Variants in SUGCT observed in about 807,000 individuals in gnomAD.
SUGCT encodes succinyl-CoA:glutarate CoA-transferase.
Under a neutral mutation model 55.0 loss-of-function variants are expected in SUGCT, and 41 were observed. That is an observed-to-expected ratio of 0.74 (90% CI 0.58 to 0.97). The LOEUF (loss-of-function observed/expected upper bound fraction) is 0.97. SUGCT is among the 50% of genes least tolerant of loss of function. SUGCT has a pLI of 0.00. For synonymous variants in SUGCT, 187 were observed against 200.4 expected (o/e 0.93, Z 0.56); for missense variants, 568 against 547.8 (o/e 1.04, Z -0.37).
chr7:40,339,737 G>T (rs1796942398), intron 9 of SUGCT, among the ~76,000 whole-genome samples: 1 of 152,162 alleles, frequency 6.6e-6, no homozygotes, highest in Non-Finnish European at 1.5e-5. Context: ...ACGCTGGGTG[G>T]GCTGCACCCA....
intron 8 of SUGCT, among the ~76,000 whole-genome samples, chr7:40,279,227 C>T (rs866142296): frequency 6.6e-6 from 1 of 152,004 alleles, no homozygotes; most frequent in African/African-American, 2.4e-5. Flanking sequence ...AAGGAAGTTC[C>T]CTTTCCTAGA....
intron 8 of SUGCT, among the ~76,000 whole-genome samples, chr7:40,286,935 G>C (rs1464038766): frequency 6.6e-5 from 10 of 152,126 alleles, no homozygotes; most frequent in Non-Finnish European, 7.4e-5. Context: ...GGTAGTAGAA[G>C]CAACACAAGA....
chr7:40,414,732 C>T (rs1288715545), intron 9 of SUGCT, among the ~76,000 whole-genome samples: 1 of 151,768 alleles, frequency 6.6e-6, no homozygotes, highest in African/African-American at 2.4e-5. Context: ...CATGTTGAAA[C>T]CTCATCTCTA....
chr7:40,354,077 T>G (rs1381690857), intron 9 of SUGCT, among the ~76,000 whole-genome samples: 1 of 152,200 alleles, frequency 6.6e-6, no homozygotes, highest in Non-Finnish European at 1.5e-5. Context: ...AAGTAATAAA[T>G]GAACACATTT....
In SUGCT at chr7:40,193,505, G is replaced by A. The variant is rs185501954; in HGVS notation, c.364-1435G>A. On this transcript the variant is annotated intron_variant, in intron 5 of 13. Transcript: ENST00000335693. Reference sequence around the variant, plus strand: ...TCGCCATATTGGCCAGGCTGGTCTCGAACTCCTGACCTTAAGTGATCTGCC... The same window carrying A: ...TCGCCATATTGGCCAGGCTGGTCTCAAACTCCTGACCTTAAGTGATCTGCC... Among the ~76,000 whole-genome samples the A allele has an allele frequency of 5.9e-3, 894 of 151,890 alleles. 6 individuals are homozygous for A. Among genetic ancestry groups the A allele is most frequent in the Non-Finnish European group, 0.01 (687 of 67,954 alleles).
intron 13 of SUGCT, among the ~76,000 whole-genome samples, chr7:40,755,724 G>A (rs1788221902): frequency 6.6e-6 from 1 of 152,194 alleles, no homozygotes; most frequent in Non-Finnish European, 1.5e-5. Flanking sequence ...GATACTTCCT[G>A]TGAATGTGCA....
intron 13 of SUGCT, among the ~76,000 whole-genome samples, chr7:40,772,047 T>C (rs1330531637): frequency 1.3e-5 from 2 of 152,168 alleles, no homozygotes; most frequent in Non-Finnish European, 2.9e-5. Context: ...ATGCCTGTTG[T>C]CCAAGCATAA....
In SUGCT at chr7:40,283,849, A is replaced by G. The variant is rs190336740; in HGVS notation, c.720+9193A>G. On this transcript the variant is annotated intron_variant, in intron 8 of 13. Transcript: ENST00000335693. ...ATATATCAAAGGTGAGGAAATCAGT[A>G]TGTTGAATAAATATATGCATTTTCA... 1.2e-3 allele frequency among the ~76,000 whole-genome samples: 187 copies of G among 152,332 alleles called. 1 individual carries two copies. Among genetic ancestry groups the G allele is most frequent in the African/African-American group, 4.4e-3 (182 of 41,570 alleles).
intron 9 of SUGCT, among the ~76,000 whole-genome samples, chr7:40,356,023 T>C (rs1300984132): frequency 6.6e-6 from 1 of 152,258 alleles, no homozygotes; most frequent in Non-Finnish European, 1.5e-5. Flanking sequence ...AATTCCTCAG[T>C]TGCTCCGTTA....
intron 7 of SUGCT, among the ~76,000 whole-genome samples, chr7:40,246,240 T>C (rs560083364): frequency 7.0e-6 from 1 of 143,732 alleles, no homozygotes; most frequent in East Asian, 2.1e-4. Flanking sequence ...AGTAGAACCA[T>C]ATAGCATGTT....
intron 10 of SUGCT, among the ~76,000 whole-genome samples, chr7:40,457,493 A>G (rs1271648740): frequency 1.3e-5 from 2 of 152,054 alleles, no homozygotes; most frequent in Admixed American, 1.3e-4. Context: ...AATATTTCAC[A>G]TTTATTTAGT....
Position 40,437,798 on chromosome 7 carries a change from G to T in SUGCT, c.817-11489G>T, listed in dbSNP as rs77478332. 5.1e-4 allele frequency among the ~76,000 whole-genome samples: 78 copies of T among 152,206 alleles called. 1 individual carries two copies. In the East Asian group the frequency reaches 0.014, roughly 28 times the overall value. On this transcript the variant is annotated intron_variant, in intron 9 of 13. Transcript: ENST00000335693. Reference sequence around the variant, plus strand: ...TTCATGGAATGTCTTTTTCCAGTGGGTGATGAAGTCATTTAGCAATGGTTA... The same window carrying T: ...TTCATGGAATGTCTTTTTCCAGTGGTTGATGAAGTCATTTAGCAATGGTTA...
intron 9 of SUGCT, among the ~76,000 whole-genome samples, chr7:40,361,804 A>C (rs753800223): frequency 6.6e-6 from 1 of 152,076 alleles, no homozygotes; most frequent in African/African-American, 2.4e-5. Context: ...GTGAGATCTC[A>C]GGGAGGGATC....
At chr7:40,732,106 C>A (rs190518242) in intron 12 of SUGCT, among the ~76,000 whole-genome samples, 1 of 152,262 alleles carries the variant, frequency 6.6e-6, no homozygotes, top group East Asian at 1.9e-4. Context: ...GTTCTGGAGG[C>A]CAGAAATTCA....
At chr7:40,601,699 G>A (rs1227244360) in intron 12 of SUGCT, among the ~76,000 whole-genome samples, 1 of 151,506 alleles carries the variant, frequency 6.6e-6, no homozygotes, top group Non-Finnish European at 1.5e-5. Context: ...TCTGAATGTG[G>A]CCCAACACAA....
chr7:40,554,539 G>A (rs924105230), intron 12 of SUGCT, among the ~76,000 whole-genome samples: 4 of 152,186 alleles, frequency 2.6e-5, no homozygotes, highest in Admixed American at 2.0e-4. Context: ...ATGTTTTATT[G>A]TGTGGGTAAT....
chr7:40,937,742 A>T, the SUGCT span, among the ~76,000 whole-genome samples: 20 of 151,850 alleles, frequency 1.3e-4, no homozygotes, highest in Non-Finnish European at 2.6e-4. Context: ...TACCGCGTGG[A>T]TAGTATATAT....
At chr7:40,942,525 T>C in the SUGCT span, among the ~76,000 whole-genome samples, 1 of 152,162 alleles carries the variant, frequency 6.6e-6, no homozygotes, top group African/African-American at 2.4e-5. Flanking sequence ...GATAATTTGA[T>C]GACTATATAG....
At chr7:40,417,308 A>G (rs760225726) in intron 9 of SUGCT, among the ~76,000 whole-genome samples, 1 of 151,270 alleles carries the variant, frequency 6.6e-6, no homozygotes, top group Non-Finnish European at 1.5e-5. Context: ...GGTTCCATTC[A>G]GTTTTTCTTT....
Sources: allele counts gnomAD v4.1 joint callset (sites outside exome capture counted in the v4.1 genomes callset), GRCh38; gene constraint gnomAD v4.1.1; transcripts MANE v1.5; gene names NCBI Gene and HGNC (gene_info 2026-07-23, HGNC 2026-07-21).